The following LRRIQ1 variants were observed in gnomAD, a reference collection of about 807,000 sequenced individuals.
LRRIQ1 encodes the protein leucine-rich repeat- and IQ domain-containing protein 1.
In LRRIQ1, 210 loss-of-function variants were observed where a neutral mutation model predicts 211.9. That is an observed-to-expected ratio of 0.99 (90% confidence interval 0.89 to 1.11). LRRIQ1 has a LOEUF of 1.11. Ranked by LOEUF, LRRIQ1 falls within the 50% of genes most tolerant of loss-of-function variation. LRRIQ1 has a pLI of 0.00. For missense variants in LRRIQ1, 2,136 were observed against 1,939.5 expected, an observed-to-expected ratio of 1.10 and a Z score of -1.90; for synonymous variants, 699 against 650.1, an observed-to-expected ratio of 1.08 and a Z score of -1.14.
intron 15 of LRRIQ1, among the ~76,000 whole-genome samples, chr12:85,113,042 C>T (rs1448437349): frequency 2.0e-5 from 3 of 152,040 alleles, no homozygotes; most frequent in East Asian, 1.9e-4. Flanking sequence ...TACTTTAGTC[C>T]TTCACCATGT....
At chr12:85,233,433 G>A (rs1272917036) in intron 26 of LRRIQ1, among the ~76,000 whole-genome samples, 3 of 152,054 alleles carry the variant, frequency 2.0e-5, no homozygotes, top group Non-Finnish European at 2.9e-5. Context: ...CTTTTTGGTA[G>A]GTGAAAATGG....
In LRRIQ1 at chr12:85,106,626, A is replaced by G. The variant is rs1886803884; in HGVS notation, c.3377+11A>G. 6.4e-7 allele frequency: 1 copy of G among 1,556,506 alleles called. No homozygotes were observed. The stretch of plus-strand genomic sequence containing the variant: ...AGAAACAAACTGGAGGTAAAGAGGC[A>G]TTGTTGCACCCCATGTATATCCATT... On this transcript the variant is annotated intron_variant, in intron 15 of 26. Transcript: ENST00000393217.
At chr12:85,214,639 A>T (rs1017634851) in intron 24 of LRRIQ1, among the ~76,000 whole-genome samples, 5 of 152,216 alleles carry the variant, frequency 3.3e-5, no homozygotes, top group Admixed American at 2.6e-4. Context: ...CAAATCAGTG[A>T]GGAATAGGTA....
rs140753164 is a variant in LRRIQ1 at position 85,140,322 on chromosome 12, G to A, written c.4329+2353G>A. Among the ~76,000 whole-genome samples, 1,074 of 151,198 alleles carry A rather than the reference G, an allele frequency of 7.1e-3. 16 individuals carry two copies. Among genetic ancestry groups the A allele is most frequent in the African/African-American group, 0.024 (1,007 of 41,406 alleles). On this transcript the variant is annotated intron_variant, in intron 19 of 26. Transcript: ENST00000393217. ...CTGACTATAATAAAATATTCAAAGC[G>A]TTTTGGAATATCTGAAATAGCAAGA...
At chr12:85,249,498 T>C (rs531763770), downstream of LRRIQ1, among the ~76,000 whole-genome samples, 3 of 151,954 alleles carry the variant, frequency 2.0e-5, no homozygotes, top group East Asian at 5.8e-4. Context: ...TATCATTGCA[T>C]GTATTTAGGT....
At chr12:85,270,793 T>C in the LRRIQ1 span, among the ~76,000 whole-genome samples, 5 of 152,124 alleles carry the variant, frequency 3.3e-5, no homozygotes, top group African/African-American at 1.2e-4. Context: ...TAGCCTTCAT[T>C]TGATAGAAGA....
Position 85,038,215 on chromosome 12 carries a change from A to G in LRRIQ1, c.39A>G (p.Glu13=). 6.3e-7 allele frequency: 1 copy of G among 1,583,488 alleles called. No individual in the cohort carries two copies. Among genetic ancestry groups the G allele is most frequent in the Non-Finnish European group, 8.6e-7 (1 of 1,163,200 alleles). Residue 13 remains glutamate, a synonymous_variant, in exon 2 of 27, where the codon GAA becomes GAG. Coordinates refer to ENST00000393217, the MANE Select transcript of LRRIQ1 (RefSeq NM_001079910.2). ...ATGCAAAGCTCAAAGCAGAAATAGA[A>G]GCTGAATTGGATAAACTCAGCATTT... ...DDDAKLKAEI[E]AELDKLSISS...
intron 11 of LRRIQ1, among the ~76,000 whole-genome samples, chr12:85,083,231 C>G (rs1884478976): frequency 6.6e-6 from 1 of 152,064 alleles, no homozygotes. Context: ...AACAAGTTTT[C>G]TCACTTTAAA....
chr12:85,232,359 T>C (rs1367344779), intron 25 of LRRIQ1, among the ~76,000 whole-genome samples: 1 of 152,098 alleles, frequency 6.6e-6, no homozygotes, highest in Admixed American at 6.6e-5. Context: ...GACTAAAACA[T>C]GTAAGCAAAT....
In LRRIQ1 at chr12:85,152,367, A is replaced by G. The variant is rs1890300618; in HGVS notation, c.4417A>G (p.Lys1473Glu). ...TCTTTCAAACCAGCTGCATTGGCCA[A>G]AGGTAACATGTCATGGAAACTTCTG... is the stretch of plus-strand genomic sequence containing the variant. ...LLLSNQLHWP[K>E]IPGNLKWDDT... The change falls in exon 20 of 27, where the codon AAG becomes GAG. Residue 1473 changes from lysine to glutamate, a missense_variant and splice_region_variant. Physicochemically the swap from Lys to Glu is moderately conservative, Grantham distance 56. Transcript: ENST00000393217. 6.2e-7 allele frequency: 1 copy of G among 1,609,794 alleles called. No individual in the cohort carries two copies. The highest frequency in any genetic ancestry group is 8.5e-7 in the Non-Finnish European group (1 of 1,177,336).
chr12:85,097,700 A>C (rs888261119), intron 11 of LRRIQ1, among the ~76,000 whole-genome samples: 1 of 152,178 alleles, frequency 6.6e-6, no homozygotes, highest in Non-Finnish European at 1.5e-5. Context: ...AATATCTTCC[A>C]TGAAACTTTA....
intron 11 of LRRIQ1, among the ~76,000 whole-genome samples, chr12:85,088,570 A>G (rs1437416962): frequency 1.3e-5 from 2 of 152,154 alleles, no homozygotes; most frequent in Non-Finnish European, 2.9e-5. Flanking sequence ...GATTCTTCCT[A>G]TCCATGATGA....
intron 24 of LRRIQ1, among the ~76,000 whole-genome samples, chr12:85,217,504 ATATATGTGTGTGTGTG>A (rs1224334253): frequency 1.5e-3 from 99 of 67,028 alleles, no homozygotes; most frequent in African/African-American, 7.2e-3. Context: ...ATATATATAT[ATATATGTGTGTGTGTG>A]TGTGTGTGTG....
At chr12:85,081,188 T>A (rs759613310) in intron 11 of LRRIQ1, among the ~76,000 whole-genome samples, 30 of 152,170 alleles carry the variant, frequency 2.0e-4, no homozygotes, top group Non-Finnish European at 4.3e-4. Flanking sequence ...CCTCCTAGGT[T>A]TGTAAGCTTT....
At position 85,234,412 on chromosome 12, in the gene LRRIQ1, C is replaced by T. The variant is rs530927463; in HGVS notation, c.5016+1656C>T. 5.3e-5 allele frequency among the ~76,000 whole-genome samples: 8 copies of T among 152,098 alleles called. No homozygotes were observed. The South Asian group carries it at 1.7e-3, about 31-fold the overall frequency. On this transcript the variant is annotated intron_variant, in intron 26 of 26. Coordinates refer to ENST00000393217, the MANE Select transcript of LRRIQ1 (RefSeq NM_001079910.2). ...ATAAATAATATACATTACAATGATA[C>T]ATTTTGTTTTCACATTGAAGAGCTA...
intron 11 of LRRIQ1, among the ~76,000 whole-genome samples, chr12:85,097,938 TG>T (rs750753704): frequency 2.0e-4 from 31 of 152,164 alleles, no homozygotes; most frequent in Non-Finnish European, 4.0e-4. Flanking sequence ...TGTATTCAAA[TG>T]GTAGGAAAAT....
At chr12:85,241,554 A>G (rs1393870736) in intron 26 of LRRIQ1, among the ~76,000 whole-genome samples, 2 of 151,982 alleles carry the variant, frequency 1.3e-5, no homozygotes, top group Non-Finnish European at 2.9e-5. Context: ...AAATAAATGA[A>G]CTAAATCTAG....
intron 24 of LRRIQ1, among the ~76,000 whole-genome samples, chr12:85,222,726 G>T (rs1032468182): frequency 6.6e-6 from 1 of 152,058 alleles, no homozygotes; most frequent in Non-Finnish European, 1.5e-5. Flanking sequence ...TAGAAGAAAA[G>T]GGAAACTGAT....
intron 6 of LRRIQ1, 69 bp downstream of exon 6, chr12:85,047,539 A>T (rs1313733900): frequency 7.5e-7 from 1 of 1,327,776 alleles, no homozygotes; most frequent in Non-Finnish European, 1.1e-6. Flanking sequence ...TGATATTTGG[A>T]TTGTGTTGCA....
Sources: gnomAD v4.1 joint callset for allele counts (sites outside exome capture counted in the v4.1 genomes callset) on GRCh38, gnomAD v4.1.1 for gene constraint, MANE v1.5 for transcripts, NCBI Gene and HGNC (gene_info 2026-07-23, HGNC 2026-07-21) for gene names.